The following CACNA2D1 variants were observed in gnomAD, a reference collection of about 807,000 sequenced individuals.
CACNA2D1 encodes calcium voltage-gated channel auxiliary subunit alpha2delta 1, also known as voltage-dependent calcium channel subunit alpha-2/delta-1.
In CACNA2D1, 53 loss-of-function variants were observed where a neutral mutation model predicts 171.5. That is an observed-to-expected ratio of 0.31 (90% CI 0.25 to 0.39). The LOEUF is 0.39. CACNA2D1 is among the 10% of genes least tolerant of loss of function. CACNA2D1 has a pLI of 1.00. For synonymous variants in CACNA2D1, 442 were observed against 443.1 expected, an observed-to-expected ratio of 1.00 and a Z score of 0.03; for missense variants, 903 against 1,299.8, an observed-to-expected ratio of 0.69 and a Z score of 4.69.
intron 3 of CACNA2D1, among the ~76,000 whole-genome samples, chr7:82,307,125 G>A (rs1386155898): frequency 2.6e-5 from 4 of 151,974 alleles, no homozygotes; most frequent in Non-Finnish European, 5.9e-5. Context: ...CCTTAACTTA[G>A]GAGAAAAAAT....
At chr7:82,222,110 G>A (rs1368519486) in intron 3 of CACNA2D1, among the ~76,000 whole-genome samples, 1 of 152,154 alleles carries the variant, frequency 6.6e-6, no homozygotes. Context: ...GTTTCTGCAG[G>A]AGGCAAAGAG....
At chr7:82,137,489 T>C (rs1413077712) in intron 4 of CACNA2D1, among the ~76,000 whole-genome samples, 2 of 152,086 alleles carry the variant, frequency 1.3e-5, no homozygotes, top group African/African-American at 4.8e-5. Flanking sequence ...GAAGATATAG[T>C]TCATCTTCCA....
chr7:82,433,209 C>T (rs571712210), intron 1 of CACNA2D1, among the ~76,000 whole-genome samples: 9 of 151,606 alleles, frequency 5.9e-5, no homozygotes, highest in South Asian at 2.1e-4. Flanking sequence ...AAAATTCTAA[C>T]GACATGTTAT....
chr7:82,358,936 A>T (rs969107803), intron 1 of CACNA2D1, among the ~76,000 whole-genome samples: 11 of 152,036 alleles, frequency 7.2e-5, no homozygotes, highest in Admixed American at 6.6e-5. Flanking sequence ...AGCTTCCAAG[A>T]CAACAAATAA....
chr7:82,330,039 C>T (rs756178264), intron 3 of CACNA2D1, among the ~76,000 whole-genome samples: 7 of 149,396 alleles, frequency 4.7e-5, no homozygotes, highest in South Asian at 2.1e-4. Context: ...AGAATCATAA[C>T]ATGATTTTAT....
Position 82,084,915 on chromosome 7 carries a change from AG to A in CACNA2D1, c.527-16del. ...CACAATTGTTGCTAACAAAAAAGAG[AG>A]AAACCATTAATTAATTCAAATTTGT... On this transcript the variant is annotated splice_polypyrimidine_tract_variant and intron_variant, in intron 6 of 38. Transcript: ENST00000356860. 1 of 1,601,538 alleles carries A rather than the reference AG, an allele frequency of 6.2e-7. No individual in the cohort carries two copies.
chr7:82,366,698 C>A (rs1318770344), intron 1 of CACNA2D1, among the ~76,000 whole-genome samples: 2 of 152,056 alleles, frequency 1.3e-5, no homozygotes, highest in Non-Finnish European at 2.9e-5. Context: ...GTATTTGTCT[C>A]TTTGGCAGAA....
chr7:81,959,641 T>A, intron 37 of CACNA2D1, 79 bp downstream of exon 37: 1 of 1,419,242 alleles, frequency 7.0e-7, no homozygotes, highest in Non-Finnish European at 9.8e-7. Flanking sequence ...TTTCTCTTTA[T>A]GAATATAAAC....
At chr7:82,241,955 A>G (rs1804358285) in intron 3 of CACNA2D1, among the ~76,000 whole-genome samples, 1 of 152,154 alleles carries the variant, frequency 6.6e-6, no homozygotes, top group Admixed American at 6.6e-5. Context: ...CCGACTGATG[A>G]TGACACCTCT....
intron 34 of CACNA2D1, among the ~76,000 whole-genome samples, chr7:81,963,605 C>A (rs1288970743): frequency 1.3e-5 from 2 of 151,852 alleles, no homozygotes; most frequent in African/African-American, 4.8e-5. Flanking sequence ...GCCCCTAAAA[C>A]AATACTAGTC....
chr7:82,183,284 T>C (rs2129172756), intron 3 of CACNA2D1, among the ~76,000 whole-genome samples: 1 of 152,246 alleles, frequency 6.6e-6, no homozygotes, highest in Non-Finnish European at 1.5e-5. Context: ...GAGATATCCA[T>C]TATCTTACAT....
intron 1 of CACNA2D1, among the ~76,000 whole-genome samples, chr7:82,384,192 G>A (rs1270944114): frequency 6.6e-6 from 1 of 152,184 alleles, no homozygotes; most frequent in Non-Finnish European, 1.5e-5. Flanking sequence ...TGGTTTGAAT[G>A]CTGTAGACTG....
chr7:82,407,558 A>G (rs188866798), intron 1 of CACNA2D1, among the ~76,000 whole-genome samples: 14 of 152,356 alleles, frequency 9.2e-5, no homozygotes, highest in Admixed American at 7.8e-4. Context: ...ATGCTATTAT[A>G]AATTCATGAA....
intron 4 of CACNA2D1, among the ~76,000 whole-genome samples, chr7:82,144,274 C>T (rs1290352261): frequency 2.0e-5 from 3 of 151,874 alleles, no homozygotes; most frequent in Non-Finnish European, 2.9e-5. Flanking sequence ...ATGTTTTCTT[C>T]GAATCTGATT....
intron 1 of CACNA2D1, among the ~76,000 whole-genome samples, chr7:82,363,252 CTCTTTTTTT>C (rs1821284256): frequency 1.0e-5 from 1 of 95,456 alleles, no homozygotes; most frequent in African/African-American, 5.8e-5. Context: ...ATTTATTTGT[CTCTTTTTTT>C]TTTTTTTTTT....
Position 81,970,704 on chromosome 7 carries a change from A to T in CACNA2D1, c.2175T>A (p.Asp725Glu), listed in dbSNP as rs757077213. The change falls in exon 27 of 39, where the codon GAT (aspartate) becomes GAA (glutamate). Residue 725 changes from aspartate (D) to glutamate (E), a missense_variant. Asp to Glu is a conservative substitution (Grantham distance 45). This residue lies in a region of CACNA2D1 where 623 missense variants were observed against 925.5 expected (regional missense o/e 0.67). Coordinates refer to ENST00000356860, the MANE Select transcript of CACNA2D1 (RefSeq NM_000722.4). ...KGVKARFVVT[D>E]GGITRVYPKE... ...TGGGATAAACTCTGGTAATCCCACC[A>T]TCAGTCACAACAAATCGTGCTTTCA... The T allele has an allele frequency of 6.3e-7, 1 of 1,593,576 alleles. No homozygotes were observed. The highest frequency in any genetic ancestry group is 1.7e-5 in the Admixed American group (1 of 59,798).
chr7:82,005,777 TG>T lies in CACNA2D1; in HGVS notation c.1502del (p.Thr501AsnfsTer38). 1 of 1,596,024 alleles carries T rather than the reference TG, an allele frequency of 6.3e-7. No individual in the cohort carries two copies. The highest frequency in any genetic ancestry group is 8.6e-7 in the Non-Finnish European group (1 of 1,163,680). On this transcript the variant is annotated frameshift_variant, in exon 17 of 39. Transcript: ENST00000356860. LOFTEE classifies it high-confidence loss of function. ...DVSLEDIKRL[T>X]PRFTLCPNGY... ...AATTTCATCTTACTGTAAAACGTGGTGTCAGTCTTTTAATATCTTCCAAAGA... is the reference window on the plus strand; with the variant it reads ...AATTTCATCTTACTGTAAAACGTGGTTCAGTCTTTTAATATCTTCCAAAGA...
At chr7:82,081,351 A>C (rs1004929422) in intron 7 of CACNA2D1, among the ~76,000 whole-genome samples, 1 of 152,322 alleles carries the variant, frequency 6.6e-6, no homozygotes, top group Admixed American at 6.5e-5. Context: ...TTAAAAACAC[A>C]GTCTTACAAA....
At chr7:82,196,779 T>TCTGC (rs1798895420) in intron 3 of CACNA2D1, among the ~76,000 whole-genome samples, 1 of 151,778 alleles carries the variant, frequency 6.6e-6, no homozygotes, top group Admixed American at 6.6e-5. Context: ...ATGAGAATAG[T>TCTGC]CTGGGCAAAG....
Sources: gnomAD v4.1 joint callset for allele counts (sites outside exome capture counted in the v4.1 genomes callset) on GRCh38, gnomAD v4.1.1 for gene constraint, gnomAD v4.1.1 regional missense constraint, MANE v1.5 for transcripts, NCBI Gene and HGNC (gene_info 2026-07-23, HGNC 2026-07-21) for gene names.